RBMS3: variants seen among roughly 807,000 people sequenced by gnomAD.
RBMS3 encodes RNA-binding motif, single-stranded-interacting protein 3.
In RBMS3, 27 loss-of-function variants were observed where a neutral mutation model predicts 66.8. The ratio of observed to expected loss-of-function variants is 0.40; its 90% CI spans 0.30 to 0.56. RBMS3 has a LOEUF of 0.56. RBMS3 is among the 20% of genes least tolerant of loss of function. The pLI is 0.40. For missense variants in RBMS3, 513 were observed against 549.5 expected, an observed-to-expected ratio of 0.93 and a Z score of 0.66; for synonymous variants, 188 against 183.0, an observed-to-expected ratio of 1.03 and a Z score of -0.22.
intron 12 of RBMS3, among the ~76,000 whole-genome samples, chr3:29,950,650 G>A (rs1305271593): frequency 1.3e-5 from 2 of 151,744 alleles, no homozygotes; most frequent in Non-Finnish European, 2.9e-5. Context: ...TGTTAAATTA[G>A]TTAATCAGAA....
chr3:29,939,936 G>C (rs2061350902), intron 11 of RBMS3, among the ~76,000 whole-genome samples: 1 of 151,700 alleles, frequency 6.6e-6, no homozygotes, highest in Admixed American at 6.6e-5. Flanking sequence ...GAGCTTTCCA[G>C]AACTTTCTTC....
chr3:29,356,554 T>C (rs74753640), intron 1 of RBMS3, among the ~76,000 whole-genome samples: 8,056 of 152,196 alleles, frequency 0.053, 310 homozygotes, highest in African/African-American at 0.098. Context: ...TAAATAAGCA[T>C]TCATGATTAT....
chr3:29,883,150 G>A (rs2059777154), intron 7 of RBMS3, among the ~76,000 whole-genome samples: 1 of 152,102 alleles, frequency 6.6e-6, no homozygotes, highest in Non-Finnish European at 1.5e-5. Context: ...CATGCTGACA[G>A]TCCTGGTAAA....
chr3:29,735,388 C>G lies in RBMS3; in HGVS notation c.400-4332C>G, dbSNP rs140084247. ...AACAATGGAGAGGATACTTTTCTAA[C>G]TTTTAATGAGCTTTTGACAAAACTA... On this transcript the variant is annotated intron_variant, in intron 4 of 14. Transcript: ENST00000383767. Among the ~76,000 whole-genome samples the G allele has an allele frequency of 7.2e-3, 1,089 of 152,242 alleles. 17 individuals are homozygous for G. The highest frequency in any genetic ancestry group is 0.024 in the African/African-American group (997 of 41,552).
At chr3:29,372,199 G>A (rs1033747545) in intron 1 of RBMS3, among the ~76,000 whole-genome samples, 1 of 152,094 alleles carries the variant, frequency 6.6e-6, no homozygotes, top group Non-Finnish European at 1.5e-5. Context: ...ATGTGGGGAC[G>A]TGCACCTGTA....
At chr3:29,584,564 T>G (rs745434557) in intron 3 of RBMS3, among the ~76,000 whole-genome samples, 1 of 152,242 alleles carries the variant, frequency 6.6e-6, no homozygotes, top group Admixed American at 6.5e-5. Flanking sequence ...AATAATTAGA[T>G]TTTCCTTCTC....
intron 1 of RBMS3, among the ~76,000 whole-genome samples, chr3:29,384,031 G>A (rs2082892362): frequency 6.6e-6 from 1 of 152,136 alleles, no homozygotes; most frequent in African/African-American, 2.4e-5. Context: ...TATAATGGAA[G>A]AGAGCTGGGC....
At chr3:29,952,575 A>G (rs909212672) in intron 12 of RBMS3, among the ~76,000 whole-genome samples, 6 of 151,836 alleles carry the variant, frequency 4.0e-5, no homozygotes, top group East Asian at 3.9e-4. Flanking sequence ...ACTACTATAT[A>G]CACATTTTTT....
intron 3 of RBMS3, among the ~76,000 whole-genome samples, chr3:29,514,775 CAT>C (rs888158569): frequency 6.9e-5 from 10 of 145,112 alleles, no homozygotes; most frequent in African/African-American, 7.7e-5. Flanking sequence ...ATACGATAGG[CAT>C]ATATATATAT....
intron 6 of RBMS3, among the ~76,000 whole-genome samples, chr3:29,854,877 T>G (rs1283417936): frequency 6.6e-6 from 1 of 152,164 alleles, no homozygotes; most frequent in African/African-American, 2.4e-5. Flanking sequence ...GCCTTTGAAC[T>G]CTCTTCAATT....
At chr3:29,929,839 A>G (rs769018568) in intron 10 of RBMS3, among the ~76,000 whole-genome samples, 10 of 152,004 alleles carry the variant, frequency 6.6e-5, no homozygotes, top group Non-Finnish European at 1.0e-4. Flanking sequence ...ATATCATGCC[A>G]ATTAGTCTAA....
chr3:29,789,386 T>G (rs1269119590), intron 6 of RBMS3, among the ~76,000 whole-genome samples: 1 of 152,102 alleles, frequency 6.6e-6, no homozygotes, highest in Non-Finnish European at 1.5e-5. Context: ...TAGAATTTAT[T>G]TTAGCATTAG....
chr3:29,619,825 C>T (rs1359511320), intron 4 of RBMS3, among the ~76,000 whole-genome samples: 1 of 152,006 alleles, frequency 6.6e-6, no homozygotes, highest in East Asian at 1.9e-4. Context: ...CTAGTTTATA[C>T]ACCACTTACA....
intron 3 of RBMS3, among the ~76,000 whole-genome samples, chr3:29,489,165 G>A (rs2043433353): frequency 6.6e-6 from 1 of 152,114 alleles, no homozygotes; most frequent in South Asian, 2.1e-4. Flanking sequence ...AATGCTTCTT[G>A]TAACATGCTG....
At chr3:29,420,537 A>C (rs1030222176) in intron 1 of RBMS3, among the ~76,000 whole-genome samples, 2 of 149,294 alleles carry the variant, frequency 1.3e-5, no homozygotes, top group Non-Finnish European at 3.0e-5. Flanking sequence ...TTAAAGGTAA[A>C]AATCAGTGGT....
chr3:29,507,213 A>G (rs1049570768), intron 3 of RBMS3, among the ~76,000 whole-genome samples: 3 of 151,740 alleles, frequency 2.0e-5, no homozygotes, highest in Admixed American at 1.3e-4. Context: ...AGGTTCTTTT[A>G]TGACCTCATT....
At chr3:29,356,808 T>TC (rs139431702) in intron 1 of RBMS3, among the ~76,000 whole-genome samples, 1,534 of 152,256 alleles carry the variant, frequency 0.01, 32 homozygotes, top group African/African-American at 0.034. Context: ...CCCATTTTTT[T>TC]CTGCCATAAA....
chr3:29,729,508 T>C (rs950110300), intron 4 of RBMS3, among the ~76,000 whole-genome samples: 8 of 152,170 alleles, frequency 5.3e-5, no homozygotes, highest in Non-Finnish European at 8.8e-5. Context: ...TACCCAGTAA[T>C]AGGATTGCTG....
At chr3:29,732,417 C>T (rs768734065) in intron 4 of RBMS3, among the ~76,000 whole-genome samples, 16 of 152,222 alleles carry the variant, frequency 1.1e-4, no homozygotes, top group East Asian at 1.9e-4. Context: ...TCAATTTAAA[C>T]GTTAAACTCA....
Sources: allele counts gnomAD v4.1 joint callset (sites outside exome capture counted in the v4.1 genomes callset), GRCh38; gene constraint gnomAD v4.1.1; transcripts MANE v1.5; gene names NCBI Gene and HGNC (gene_info 2026-07-23, HGNC 2026-07-21).